CSMD3: variants seen among roughly 807,000 people sequenced by gnomAD.
CSMD3 encodes CUB and sushi domain-containing protein 3.
A neutral mutation model predicts 435.2 loss-of-function variants in CSMD3; 177 were observed. The observed-to-expected ratio is 0.41, with a 90% CI of 0.36 to 0.46. The LOEUF is 0.46. CSMD3 is among the 20% of genes least tolerant of loss of function. The pLI, the probability that CSMD3 is intolerant of heterozygous loss-of-function variation, is 0.34. For synonymous variants in CSMD3, 1,656 were observed against 1,520.5 expected, an observed-to-expected ratio of 1.09 and a Z score of -2.07; for missense variants, 4,265 against 4,504.6, an observed-to-expected ratio of 0.95 and a Z score of 1.52.
intron 10 of CSMD3, among the ~76,000 whole-genome samples, chr8:112,906,566 C>G (rs900074573): frequency 1.3e-5 from 2 of 151,438 alleles, no homozygotes; most frequent in African/African-American, 2.4e-5. Context: ...ATAAGCATCA[C>G]TTAAGGTTTG....
intron 5 of CSMD3, among the ~76,000 whole-genome samples, chr8:113,073,687 A>G (rs1006195589): frequency 9.9e-5 from 15 of 151,846 alleles, no homozygotes; most frequent in African/African-American, 3.6e-4. Flanking sequence ...AGGATACAAA[A>G]GTGACCTCTC....
intron 5 of CSMD3, among the ~76,000 whole-genome samples, chr8:113,063,503 G>A (rs899144621): frequency 6.6e-6 from 1 of 151,888 alleles, no homozygotes; most frequent in South Asian, 2.1e-4. Context: ...ATAGTGACAA[G>A]ATTCATGTCA....
intron 2 of CSMD3, among the ~76,000 whole-genome samples, chr8:113,306,683 T>G (rs958093666): frequency 1.3e-5 from 2 of 152,126 alleles, no homozygotes; most frequent in Non-Finnish European, 2.9e-5. Flanking sequence ...ATACTAACCA[T>G]GTAAGAAAAT....
At chr8:113,250,824 CTG>C (rs1301969839) in intron 3 of CSMD3, among the ~76,000 whole-genome samples, 5 of 152,016 alleles carry the variant, frequency 3.3e-5, no homozygotes, top group African/African-American at 1.2e-4. Flanking sequence ...AGAAGAGTGA[CTG>C]TTGCTCACAG....
intron 6 of CSMD3, among the ~76,000 whole-genome samples, chr8:113,008,315 A>G (rs2086132916): frequency 6.6e-6 from 1 of 151,756 alleles, no homozygotes; most frequent in Admixed American, 6.6e-5. Context: ...AAAGCTGAGG[A>G]GCAATGGAGA....
At chr8:112,958,494 G>C (rs1564149750) in intron 7 of CSMD3, among the ~76,000 whole-genome samples, 1 of 152,120 alleles carries the variant, frequency 6.6e-6, no homozygotes, top group Non-Finnish European at 1.5e-5. Flanking sequence ...TATTAGAGTA[G>C]TTTTAAGCCA....
intron 6 of CSMD3, among the ~76,000 whole-genome samples, chr8:112,978,050 A>G (rs1368234033): frequency 6.6e-6 from 1 of 152,014 alleles, no homozygotes. Context: ...TTGTCCTCCT[A>G]GAGTTTAATT....
At chr8:112,622,979 G>A (rs1383043434) in intron 22 of CSMD3, among the ~76,000 whole-genome samples, 1 of 152,024 alleles carries the variant, frequency 6.6e-6, no homozygotes, top group African/African-American at 2.4e-5. Flanking sequence ...ATTTGAACCT[G>A]GGGAGTTTTT....
intron 1 of CSMD3, among the ~76,000 whole-genome samples, chr8:113,392,217 A>T (rs2094463870): frequency 6.6e-6 from 1 of 152,102 alleles, no homozygotes; most frequent in South Asian, 2.1e-4. Context: ...GACAATACAT[A>T]ATTGTATAAA....
chr8:113,105,234 T>A (rs899399199), intron 4 of CSMD3, among the ~76,000 whole-genome samples: 1 of 152,108 alleles, frequency 6.6e-6, no homozygotes, highest in Non-Finnish European at 1.5e-5. Flanking sequence ...AGACCAGGTC[T>A]ATGAAGAACT....
At chr8:113,214,062 C>G (rs574841287) in intron 3 of CSMD3, among the ~76,000 whole-genome samples, 43 of 151,832 alleles carry the variant, frequency 2.8e-4, no homozygotes, top group Non-Finnish European at 5.0e-4. Context: ...GGTTAAAAAG[C>G]ATTAAGTGAC....
At chr8:113,430,146 G>T (rs2094662588) in intron 1 of CSMD3, among the ~76,000 whole-genome samples, 1 of 152,070 alleles carries the variant, frequency 6.6e-6, no homozygotes, top group Non-Finnish European at 1.5e-5. Context: ...TAATGGCCTG[G>T]GAACTTAGCC....
intron 5 of CSMD3, among the ~76,000 whole-genome samples, chr8:113,032,685 C>A (rs778219942): frequency 1.3e-5 from 2 of 151,598 alleles, no homozygotes; most frequent in Non-Finnish European, 2.9e-5. Flanking sequence ...AACACATATT[C>A]TGGGGAGGGA....
intron 1 of CSMD3, among the ~76,000 whole-genome samples, chr8:113,425,766 G>C (rs1245732275): frequency 1.3e-5 from 2 of 151,504 alleles, no homozygotes; most frequent in Non-Finnish European, 3.0e-5. Flanking sequence ...CGTTGAACAT[G>C]AATTCAATAC....
intron 4 of CSMD3, among the ~76,000 whole-genome samples, chr8:113,157,359 T>C (rs2091954548): frequency 6.6e-6 from 1 of 152,176 alleles, no homozygotes; most frequent in Non-Finnish European, 1.5e-5. Context: ...AAGAGTCTCA[T>C]GTCTTTTGCC....
At chr8:112,959,095 T>C (rs1194971463) in intron 7 of CSMD3, among the ~76,000 whole-genome samples, 1 of 152,124 alleles carries the variant, frequency 6.6e-6, no homozygotes, top group Non-Finnish European at 1.5e-5. Flanking sequence ...TATATTATTC[T>C]ATTTCATTGC....
chr8:112,390,833 A>C, intron 35 of CSMD3, 45 bp from the exon 36 acceptor site: 1 of 1,581,000 alleles, frequency 6.3e-7, no homozygotes, highest in Non-Finnish European at 8.7e-7. Flanking sequence ...TCTAATGCAA[A>C]GGATTAAAAT....
intron 66 of CSMD3, among the ~76,000 whole-genome samples, chr8:112,239,777 C>A (rs1238869547): frequency 6.6e-6 from 1 of 151,876 alleles, no homozygotes; most frequent in Admixed American, 6.6e-5. Flanking sequence ...CTCACATTTT[C>A]TTTGTTATCT....
chr8:113,316,478 T>G (rs2093910778), intron 1 of CSMD3, among the ~76,000 whole-genome samples: 1 of 152,092 alleles, frequency 6.6e-6, no homozygotes, highest in Non-Finnish European at 1.5e-5. Flanking sequence ...TGTTGTACAT[T>G]TATTCCACAT....
Sources: allele counts gnomAD v4.1 joint callset (sites outside exome capture counted in the v4.1 genomes callset), GRCh38; gene constraint gnomAD v4.1.1; transcripts MANE v1.5; gene names NCBI Gene and HGNC (gene_info 2026-07-23, HGNC 2026-07-21).